Variants in AHI1 observed in about 807,000 individuals in gnomAD.
AHI1 encodes jouberin.
In AHI1, 123 loss-of-function variants were observed where a neutral mutation model predicts 149.3. The observed-to-expected ratio is 0.82, with a 90% CI of 0.71 to 0.96. AHI1 has a LOEUF of 0.96. AHI1 is among the 40% of genes least tolerant of loss of function. The pLI, the probability that AHI1 is intolerant of heterozygous loss-of-function variation, is 0.00. For synonymous variants in AHI1, 475 were observed against 459.8 expected (o/e 1.03, Z -0.42); for missense variants, 1,439 against 1,422.7 (o/e 1.01, Z -0.18).
At chr6:135,405,018 C>T (rs1002034601) in intron 21 of AHI1, 41 bp from the exon 22 acceptor site, 4 of 1,524,484 alleles carry the variant, frequency 2.6e-6, no homozygotes, top group Admixed American at 1.7e-5. Context: ...TTCATAATTT[C>T]ATTAAATATT....
At chr6:135,403,280 C>A (rs1468265933) in intron 22 of AHI1, among the ~76,000 whole-genome samples, 3 of 151,990 alleles carry the variant, frequency 2.0e-5, no homozygotes, top group Non-Finnish European at 4.4e-5. Context: ...AACCAGTGAA[C>A]TGTATATTTT....
At chr6:135,467,795 A>G (rs921147868) in intron 5 of AHI1, among the ~76,000 whole-genome samples, 161 bp from the exon 6 acceptor site, 23 of 152,232 alleles carry the variant, frequency 1.5e-4, no homozygotes, top group African/African-American at 5.3e-4. Flanking sequence ...GAGTACTCTC[A>G]TAATTTATGC....
intron 24 of AHI1, among the ~76,000 whole-genome samples, chr6:135,345,676 G>C (rs76455322): frequency 2.2e-3 from 339 of 152,200 alleles, no homozygotes; most frequent in Non-Finnish European, 3.9e-3. Flanking sequence ...AAGGATCATT[G>C]CTAATGAGTA....
chr6:135,361,686 CACACACACGT>C (rs1321713702), intron 23 of AHI1, among the ~76,000 whole-genome samples: 3 of 143,814 alleles, frequency 2.1e-5, no homozygotes, highest in African/African-American at 8.5e-5. Context: ...CACACACACA[CACACACACGT>C]GTGTATATTT....
rs186108023 is a variant in AHI1 at position 135,478,131 on chromosome 6, G to A, written c.136-10497C>T. Among the ~76,000 whole-genome samples, 142 of 152,190 alleles carry A rather than the reference G, an allele frequency of 9.3e-4. 2 individuals are homozygous for A. Among genetic ancestry groups the A allele is most frequent in the African/African-American group, 3.0e-3 (124 of 41,528 alleles). On this transcript the variant is annotated intron_variant, in intron 5 of 28. Transcript: ENST00000265602. The stretch of plus-strand genomic sequence containing the variant: ...TAGTTCTTTAGAGCAGTGTGAGAAC[G>A]GACTAATATGAAAATTGGTACCAGA...
intron 27 of AHI1, among the ~76,000 whole-genome samples, chr6:135,291,836 A>G (rs1020864612): frequency 4.6e-5 from 7 of 152,154 alleles, no homozygotes; most frequent in Non-Finnish European, 1.0e-4. Flanking sequence ...TCTGAAGTGT[A>G]CCCTTTTGGC....
chr6:135,394,662 C>T (rs754000565), intron 23 of AHI1, 114 bp downstream of exon 23: 7 of 1,387,806 alleles, frequency 5.0e-6, no homozygotes, highest in Non-Finnish European at 6.9e-6. Flanking sequence ...TATAATTTGT[C>T]AAGTGTAAAA....
intron 20 of AHI1, among the ~76,000 whole-genome samples, chr6:135,414,250 GA>G (rs1223545720): frequency 6.6e-6 from 1 of 152,006 alleles, no homozygotes; most frequent in East Asian, 1.9e-4. Flanking sequence ...ATTCATATGT[GA>G]AAAAAATGAA....
chr6:135,416,911 A>G (rs1016697449), intron 20 of AHI1, among the ~76,000 whole-genome samples: 1 of 152,122 alleles, frequency 6.6e-6, no homozygotes, highest in African/African-American at 2.4e-5. Context: ...GTTTTTAAAC[A>G]GAAGTGTAGC....
rs374604980 is a variant in AHI1 at position 135,465,988 on chromosome 6, T to A, written c.575A>T (p.Tyr192Phe). The change falls in exon 7 of 29, where the codon TAT becomes TTT. Residue 192 changes from tyrosine (Y) to phenylalanine (F), a missense_variant. Coordinates refer to ENST00000265602, the MANE Select transcript of AHI1 (RefSeq NM_001134831.2). ...LEEDEELMQA[Y>F]QCHVTEEMAK... is the part of the protein sequence containing the mutation. ...CATTTCTTCAGTTACATGGCACTGA[T>A]ATGCTTGCATCAATTCTTCATCCTC... 1 of 1,613,992 alleles carries A rather than the reference T, an allele frequency of 6.2e-7. No homozygotes were observed. Among genetic ancestry groups the A allele is most frequent in the South Asian group, 1.1e-5 (1 of 91,074 alleles).
chr6:135,441,241 A>T (rs1786247469), intron 14 of AHI1, among the ~76,000 whole-genome samples: 1 of 152,184 alleles, frequency 6.6e-6, no homozygotes, highest in Admixed American at 6.5e-5. Context: ...AACTGAAAGA[A>T]TTACTAAATT....
chr6:135,286,716 T>G (rs1781730233), intron 28 of AHI1, among the ~76,000 whole-genome samples: 1 of 152,364 alleles, frequency 6.6e-6, no homozygotes, highest in Non-Finnish European at 1.5e-5. Flanking sequence ...AAATTCTTTA[T>G]CACTTGATGT....
chr6:135,290,334 C>G, intron 28 of AHI1, 89 bp downstream of exon 28: 1 of 833,872 alleles, frequency 1.2e-6, no homozygotes, highest in Non-Finnish European at 2.0e-6. Context: ...TTACTTGCCT[C>G]TCTCTGGTAT....
chr6:135,326,727 A>G (rs1787760021), intron 24 of AHI1, among the ~76,000 whole-genome samples: 1 of 150,846 alleles, frequency 6.6e-6, no homozygotes, highest in Non-Finnish European at 1.5e-5. Context: ...TGCTCAGCCA[A>G]TTTTTGTATT....
chr6:135,467,096 T>C (rs1289196891), intron 6 of AHI1, among the ~76,000 whole-genome samples: 1 of 152,176 alleles, frequency 6.6e-6, no homozygotes, highest in Non-Finnish European at 1.5e-5. Flanking sequence ...TTGTGTTGAC[T>C]TTCACCCATG....
At chr6:135,324,159 T>A (rs1450702172) in intron 24 of AHI1, among the ~76,000 whole-genome samples, 1 of 152,020 alleles carries the variant, frequency 6.6e-6, no homozygotes, top group Middle Eastern at 3.4e-3. Context: ...CATCTCTATA[T>A]AAAAAAACAA....
intron 23 of AHI1, among the ~76,000 whole-genome samples, chr6:135,393,485 A>T (rs1394972143): frequency 6.6e-6 from 1 of 152,056 alleles, no homozygotes; most frequent in Non-Finnish European, 1.5e-5. Flanking sequence ...TATAAGAATG[A>T]CAAGGTCTGA....
intron 24 of AHI1, among the ~76,000 whole-genome samples, chr6:135,335,886 G>T (rs1368541368): frequency 6.6e-6 from 1 of 151,912 alleles, no homozygotes. Flanking sequence ...ACCTAGGTGG[G>T]TGGATCACCT....
chr6:135,446,719 GA>G (rs779278775), intron 13 of AHI1, among the ~76,000 whole-genome samples: 1 of 152,184 alleles, frequency 6.6e-6, no homozygotes, highest in Non-Finnish European at 1.5e-5. Context: ...AGAACTGTGA[GA>G]AATAAATGTC....
Sources: gnomAD v4.1 joint callset for allele counts (sites outside exome capture counted in the v4.1 genomes callset) on GRCh38, gnomAD v4.1.1 for gene constraint, MANE v1.5 for transcripts, NCBI Gene and HGNC (gene_info 2026-07-23, HGNC 2026-07-21) for gene names.